The following NEGR1 variants were observed in gnomAD, a reference collection of about 807,000 sequenced individuals.
The protein encoded by NEGR1 is neuronal growth regulator 1.
A neutral mutation model predicts 40.9 loss-of-function variants in NEGR1; 10 were observed. The ratio of observed to expected loss-of-function variants is 0.24; its 90% confidence interval spans 0.15 to 0.42. NEGR1 has a LOEUF of 0.42. Among genes scored for constraint, NEGR1 ranks in the 10% least tolerant of loss-of-function variants. The pLI is 1.00. For missense variants in NEGR1, 352 were observed against 438.9 expected (o/e 0.80, Z 1.77); for synonymous variants, 185 against 166.8 (o/e 1.11, Z -0.84).
At chr1:72,027,760 A>C (rs925757352) in intron 1 of NEGR1, among the ~76,000 whole-genome samples, 6 of 152,190 alleles carry the variant, frequency 3.9e-5, no homozygotes, top group African/African-American at 1.4e-4. Flanking sequence ...CTGAGCATTA[A>C]ATCTGACTAT....
chr1:71,949,931 G>A (rs1482840289), intron 1 of NEGR1, among the ~76,000 whole-genome samples: 1 of 151,286 alleles, frequency 6.6e-6, no homozygotes, highest in African/African-American at 2.5e-5. Context: ...TATGTTTCTG[G>A]AACATGTAAG....
intron 6 of NEGR1, among the ~76,000 whole-genome samples, chr1:71,471,186 T>A (rs1005146664): frequency 1.2e-4 from 18 of 152,162 alleles, no homozygotes; most frequent in East Asian, 1.2e-3. Flanking sequence ...AATAAATAAA[T>A]TAAATATATT....
chr1:71,838,109 A>G (rs1659107465), intron 2 of NEGR1, among the ~76,000 whole-genome samples: 1 of 152,136 alleles, frequency 6.6e-6, no homozygotes, highest in Non-Finnish European at 1.5e-5. Context: ...TTTTATTTTC[A>G]TGCAAACATA....
At chr1:71,772,369 A>C (rs1010071482) in intron 3 of NEGR1, among the ~76,000 whole-genome samples, 1 of 151,694 alleles carries the variant, frequency 6.6e-6, no homozygotes, top group Non-Finnish European at 1.5e-5. Context: ...ACACCACTGC[A>C]CTCTAGTCTA....
chr1:71,584,924 A>G (rs1299590765), intron 6 of NEGR1, among the ~76,000 whole-genome samples: 1 of 152,186 alleles, frequency 6.6e-6, no homozygotes, highest in East Asian at 1.9e-4. Context: ...GTGAAATAAA[A>G]TAGCAAGCAA....
intron 1 of NEGR1, among the ~76,000 whole-genome samples, chr1:72,264,448 T>C (rs529975382): frequency 6.6e-6 from 1 of 151,010 alleles, no homozygotes; most frequent in Non-Finnish European, 1.5e-5. Context: ...TACAATTATA[T>C]CTTGATGCTA....
At chr1:72,043,493 C>T (rs572173322) in intron 1 of NEGR1, among the ~76,000 whole-genome samples, 2 of 151,666 alleles carry the variant, frequency 1.3e-5, no homozygotes, top group South Asian at 4.2e-4. Flanking sequence ...ATATATTATT[C>T]ACAAATAATT....
chr1:71,781,995 A>G (rs1656734256), intron 2 of NEGR1, among the ~76,000 whole-genome samples: 1 of 152,166 alleles, frequency 6.6e-6, no homozygotes, highest in Non-Finnish European at 1.5e-5. Flanking sequence ...TAAAAGATCA[A>G]AATTCGATCT....
chr1:71,910,408 A>G (rs1265697166), intron 2 of NEGR1, among the ~76,000 whole-genome samples: 2 of 152,242 alleles, frequency 1.3e-5, no homozygotes, highest in East Asian at 3.9e-4. Flanking sequence ...CCTCAAAGAC[A>G]GACGTGATTA....
rs532111537 is a variant in NEGR1, at chr1:71,617,638, A to C, written c.668-6492T>G. Among the ~76,000 whole-genome samples the C allele has an allele frequency of 2.6e-5, 4 of 152,348 alleles. No homozygotes were observed. In the East Asian group the frequency reaches 7.7e-4, roughly 29 times the overall value. On this transcript the variant is annotated intron_variant, in intron 4 of 6. Coordinates refer to ENST00000357731, the MANE Select transcript of NEGR1 (RefSeq NM_173808.3). Reference sequence around the variant, plus strand: ...AGGTCACTTCTGAATGTAAGTCTACACACCGTGTCATCCATAGATAAATGC... The same window carrying C: ...AGGTCACTTCTGAATGTAAGTCTACCCACCGTGTCATCCATAGATAAATGC...
chr1:71,977,773 CAA>C (rs35651349), intron 1 of NEGR1, among the ~76,000 whole-genome samples: 8,944 of 86,426 alleles, frequency 0.1, 344 homozygotes, highest in Middle Eastern at 0.15. Flanking sequence ...AAGTAGAAGT[CAA>C]AAAAAAAAAA....
At chr1:71,472,024 C>G (rs549985424) in intron 6 of NEGR1, among the ~76,000 whole-genome samples, 38 of 152,244 alleles carry the variant, frequency 2.5e-4, no homozygotes, top group Middle Eastern at 6.8e-3. Context: ...CAAAAGTCTT[C>G]TGATCACATG....
intron 4 of NEGR1, among the ~76,000 whole-genome samples, chr1:71,694,512 C>A (rs138805237): frequency 6.6e-6 from 1 of 151,786 alleles, no homozygotes; most frequent in East Asian, 1.9e-4. Flanking sequence ...CTGATTTATT[C>A]AACCAACCAA....
At chr1:71,899,111 A>C (rs1487238605) in intron 2 of NEGR1, among the ~76,000 whole-genome samples, 1 of 150,072 alleles carries the variant, frequency 6.7e-6, no homozygotes, top group Non-Finnish European at 1.5e-5. Context: ...TTAAGGAAGA[A>C]TCCACTTTTG....
At chr1:72,260,634 C>A (rs1475926635) in intron 1 of NEGR1, among the ~76,000 whole-genome samples, 1 of 150,832 alleles carries the variant, frequency 6.6e-6, no homozygotes, top group Non-Finnish European at 1.5e-5. Context: ...CTGTCAGATA[C>A]TTTTCAAACT....
At chr1:72,233,201 C>G (rs1422463208) in intron 1 of NEGR1, among the ~76,000 whole-genome samples, 1 of 152,132 alleles carries the variant, frequency 6.6e-6, no homozygotes, top group Non-Finnish European at 1.5e-5. Flanking sequence ...CTGTTAAGAA[C>G]AATACATAAA....
At chr1:72,235,196 C>T (rs1654507489) in intron 1 of NEGR1, among the ~76,000 whole-genome samples, 1 of 152,002 alleles carries the variant, frequency 6.6e-6, no homozygotes, top group Non-Finnish European at 1.5e-5. Flanking sequence ...TTTCAGAAGA[C>T]AGAAGATTGT....
Position 72,103,872 on chromosome 1 carries a change from G to C in NEGR1, c.177-168561C>G, listed in dbSNP as rs867330516. Among the ~76,000 whole-genome samples, 9 of 152,086 alleles carry C rather than the reference G, an allele frequency of 5.9e-5. No homozygotes were observed. The South Asian group carries it at 1.2e-3, about 21-fold the overall frequency. ...TGATCGTTCACTGTCTCTGGATCGA[G>C]TAGATTATTATAGGTCAACAAGGAA... is the stretch of plus-strand genomic sequence containing the variant. On this transcript the variant is annotated intron_variant, in intron 1 of 6. Coordinates refer to ENST00000357731, the MANE Select transcript of NEGR1 (RefSeq NM_173808.3).
chr1:72,266,375 C>T (rs887134456), intron 1 of NEGR1, among the ~76,000 whole-genome samples: 1 of 150,772 alleles, frequency 6.6e-6, no homozygotes, highest in Non-Finnish European at 1.5e-5. Context: ...AATAGTAGTA[C>T]TAATCCTCAG....
Sources: allele counts gnomAD v4.1 joint callset (sites outside exome capture counted in the v4.1 genomes callset), GRCh38; gene constraint gnomAD v4.1.1; transcripts MANE v1.5; gene names NCBI Gene and HGNC (gene_info 2026-07-23, HGNC 2026-07-21).